THSD7B: variants seen among roughly 807,000 people sequenced by gnomAD.
THSD7B encodes the protein thrombospondin type-1 domain-containing protein 7B.
Under a neutral mutation model 213.6 loss-of-function variants are expected in THSD7B, and 138 were observed. The ratio of observed to expected loss-of-function variants is 0.65; its 90% confidence interval spans 0.56 to 0.74. The LOEUF is 0.74. Ranked by LOEUF, THSD7B falls within the 30% of genes least tolerant of loss-of-function variation. The probability of loss-of-function intolerance (pLI) is 0.00; values close to 1 mark genes in which losing one functional copy is unlikely to be tolerated. For missense variants in THSD7B, 1,931 were observed against 1,991.5 expected, an observed-to-expected ratio of 0.97 and a Z score of 0.58; for synonymous variants, 742 against 687.0, an observed-to-expected ratio of 1.08 and a Z score of -1.25.
intron 5 of THSD7B, among the ~76,000 whole-genome samples, chr2:137,117,550 T>C (rs1234090116): frequency 6.6e-6 from 1 of 152,170 alleles, no homozygotes; most frequent in Non-Finnish European, 1.5e-5. Context: ...AATTCCTTTG[T>C]GAGTCACTAT....
At chr2:137,671,781 A>T (rs1683584391) in intron 27 of THSD7B, among the ~76,000 whole-genome samples, 1 of 152,176 alleles carries the variant, frequency 6.6e-6, no homozygotes, top group South Asian at 2.1e-4. Context: ...CGTATCAGGC[A>T]CTTAGGGTAC....
At chr2:137,025,581 C>G (rs1686537470) in intron 2 of THSD7B, among the ~76,000 whole-genome samples, 2 of 152,148 alleles carry the variant, frequency 1.3e-5, no homozygotes, top group Non-Finnish European at 2.9e-5. Flanking sequence ...GCAGACAGCT[C>G]TCTTCTGTGT....
At chr2:136,924,979 A>G (rs985109149) in intron 2 of THSD7B, among the ~76,000 whole-genome samples, 6 of 152,172 alleles carry the variant, frequency 3.9e-5, no homozygotes, top group Non-Finnish European at 8.8e-5. Flanking sequence ...GACCATTGTT[A>G]GTAAATAGAA....
intron 12 of THSD7B, among the ~76,000 whole-genome samples, chr2:137,287,922 A>G (rs1361915823): frequency 1.3e-5 from 2 of 152,094 alleles, no homozygotes; most frequent in Non-Finnish European, 2.9e-5. Context: ...TCTACTGCAA[A>G]CTGTGTAAAT....
At chr2:137,409,391 G>T (rs572175562) in intron 13 of THSD7B, among the ~76,000 whole-genome samples, 106 of 152,294 alleles carry the variant, frequency 7.0e-4, no homozygotes, top group Non-Finnish European at 1.2e-3. Flanking sequence ...CAGATATAGG[G>T]GGTTCAACAG....
At chr2:137,381,031 T>C (rs1234409035) in intron 12 of THSD7B, among the ~76,000 whole-genome samples, 2 of 152,208 alleles carry the variant, frequency 1.3e-5, no homozygotes, top group South Asian at 2.1e-4. Flanking sequence ...TGAGTGTTTT[T>C]CCAACTACCT....
At chr2:137,112,102 C>G (rs946785517) in intron 4 of THSD7B, among the ~76,000 whole-genome samples, 2 of 152,086 alleles carry the variant, frequency 1.3e-5, no homozygotes, top group South Asian at 2.1e-4. Flanking sequence ...TAACGTTTAG[C>G]TGAGTGGGCT....
At position 137,637,983 on chromosome 2, in the gene THSD7B, A is replaced by C. The variant is rs769890682; in HGVS notation, c.3800-4505A>C. ...TTGAAGAGTATTTAAGCAAAAATTAATGTGAAATCTTGTGCCAAATGTGTT... is the reference window on the plus strand; with the variant it reads ...TTGAAGAGTATTTAAGCAAAAATTACTGTGAAATCTTGTGCCAAATGTGTT... On this transcript the variant is annotated intron_variant, in intron 20 of 27. Transcript: ENST00000409968. Among the ~76,000 whole-genome samples the C allele has an allele frequency of 4.5e-4, 69 of 152,220 alleles. 1 individual carries two copies. Among genetic ancestry groups the C allele is most frequent in the Non-Finnish European group, 4.9e-4 (33 of 68,038 alleles).
At chr2:137,159,760 G>C (rs540450312) in intron 5 of THSD7B, among the ~76,000 whole-genome samples, 1 of 152,060 alleles carries the variant, frequency 6.6e-6, no homozygotes, top group African/African-American at 2.4e-5. Context: ...CAGCTCCCTC[G>C]CTCAGGGGAG....
intron 15 of THSD7B, among the ~76,000 whole-genome samples, chr2:137,543,719 A>G (rs1573696378): frequency 6.6e-6 from 1 of 151,746 alleles, no homozygotes; most frequent in Non-Finnish European, 1.5e-5. Context: ...CATACATCTG[A>G]TAAGGGTGTA....
intron 2 of THSD7B, among the ~76,000 whole-genome samples, chr2:136,900,542 T>G (rs487311): frequency 1.3e-5 from 2 of 151,952 alleles, no homozygotes; most frequent in African/African-American, 4.8e-5. Context: ...GTGTGGCTAT[T>G]GAGAAGGGCC....
intron 2 of THSD7B, among the ~76,000 whole-genome samples, chr2:136,953,910 A>G (rs1455560659): frequency 6.6e-6 from 1 of 152,190 alleles, no homozygotes; most frequent in East Asian, 1.9e-4. Context: ...GATGTAAGGG[A>G]TTTGCTTAAT....
At chr2:136,991,924 C>G (rs939167644) in intron 2 of THSD7B, among the ~76,000 whole-genome samples, 1 of 152,160 alleles carries the variant, frequency 6.6e-6, no homozygotes, top group African/African-American at 2.4e-5. Context: ...GCTTGTCTGG[C>G]CCTAAAACGG....
chr2:137,179,931 A>C lies in THSD7B; in HGVS notation c.1723+8993A>C, dbSNP rs116114367. Reference sequence around the variant, plus strand: ...AAACATTTTCTTCACTCTCACTCCAACTATTTTATGCTGGTCTAGAATCTC... The same window carrying C: ...AAACATTTTCTTCACTCTCACTCCACCTATTTTATGCTGGTCTAGAATCTC... On this transcript the variant is annotated intron_variant, in intron 7 of 27. Transcript: ENST00000409968. Among the ~76,000 whole-genome samples, 311 of 152,172 alleles carry C rather than the reference A, an allele frequency of 2.0e-3. 3 individuals are homozygous for C. The highest frequency in any genetic ancestry group is 7.0e-3 in the African/African-American group (291 of 41,538).
chr2:136,933,479 T>C (rs908751174), intron 2 of THSD7B, among the ~76,000 whole-genome samples: 3 of 152,086 alleles, frequency 2.0e-5, no homozygotes, highest in Middle Eastern at 3.2e-3. Flanking sequence ...CTCAGGAGCC[T>C]TAGGCAGGAG....
chr2:136,976,644 C>G (rs897145099), intron 2 of THSD7B, among the ~76,000 whole-genome samples: 1 of 144,246 alleles, frequency 6.9e-6, no homozygotes, highest in African/African-American at 2.6e-5. Flanking sequence ...TTTTTTTTTT[C>G]TTTTTTTGAG....
intron 17 of THSD7B, among the ~76,000 whole-genome samples, chr2:137,605,532 A>T (rs117175401): frequency 0.02 from 2,984 of 152,124 alleles, 44 homozygotes; most frequent in Middle Eastern, 0.071. Context: ...CCTTGGCCCC[A>T]AGGAACATAC....
At chr2:137,291,468 A>G (rs1280522787) in intron 12 of THSD7B, among the ~76,000 whole-genome samples, 1 of 152,210 alleles carries the variant, frequency 6.6e-6, no homozygotes, top group African/African-American at 2.4e-5. Flanking sequence ...CTCAATAAAT[A>G]TTAATCCATG....
At chr2:136,906,750 T>C (rs1233282686) in intron 2 of THSD7B, among the ~76,000 whole-genome samples, 1 of 152,058 alleles carries the variant, frequency 6.6e-6, no homozygotes, top group Non-Finnish European at 1.5e-5. Flanking sequence ...TTCTTTTTAG[T>C]GGTCCTTTGA....
Sources: allele counts gnomAD v4.1 joint callset (sites outside exome capture counted in the v4.1 genomes callset), GRCh38; gene constraint gnomAD v4.1.1; transcripts MANE v1.5; gene names NCBI Gene and HGNC (gene_info 2026-07-23, HGNC 2026-07-21).